The following NUMA1 variants were observed in gnomAD, a reference collection of about 807,000 sequenced individuals.
NUMA1 encodes SP-H antigen.
NUMA1 carries 62 observed loss-of-function variants against 237.1 expected under a neutral mutation model. The observed-to-expected ratio is 0.26, with a 90% CI of 0.21 to 0.32. The LOEUF is 0.32. Among genes scored for constraint, NUMA1 ranks in the 10% least tolerant of loss-of-function variants. The pLI, the probability that NUMA1 is intolerant of heterozygous loss-of-function variation, is 1.00. For synonymous variants in NUMA1, 1,028 were observed against 1,066.1 expected (o/e 0.96, Z 0.70); for missense variants, 2,533 against 2,666.5 (o/e 0.95, Z 1.10).
At chr11:72,049,559 T>TA (rs1270694880) in intron 2 of NUMA1, 3 of 6,884 alleles carry the variant, frequency 4.4e-4, no homozygotes, top group African/African-American at 1.0e-3. Context: ...AAAATAATAA[T>TA]AATATATATA....
chr11:72,031,193 TAA>T (rs1163881457), intron 3 of NUMA1, among the ~76,000 whole-genome samples: 1 of 151,576 alleles, frequency 6.6e-6, no homozygotes, highest in Non-Finnish European at 1.5e-5. Flanking sequence ...CCTACCTACA[TAA>T]GAGGCTGAGG....
In NUMA1 at chr11:72,069,874, G is replaced by C. The variant is rs1472373879; in HGVS notation, c.-65C>G. 1.3e-5 allele frequency: 2 copies of C among 152,146 alleles called. No homozygotes were observed. Among genetic ancestry groups the C allele is most frequent in the African/African-American group, 4.8e-5 (2 of 41,372 alleles). The allele number at this position is 152,146 out of a possible 1,614,324, so 9.4% of individuals were successfully genotyped here. A position where few individuals can be genotyped will look rare whatever the true frequency, so the allele number is the denominator to read the frequency against. On this transcript the variant is annotated 5_prime_UTR_variant, in exon 2 of 27. Transcript: ENST00000393695. Reference sequence around the variant, plus strand: ...TGGAAGCCTCCACACACTAGAACAGGGTGATCTCCAGCAGTCTGGCTTAGA... The same window carrying C: ...TGGAAGCCTCCACACACTAGAACAGCGTGATCTCCAGCAGTCTGGCTTAGA...
intron 2 of NUMA1, among the ~76,000 whole-genome samples, chr11:72,053,604 G>A (rs1942482863): frequency 6.6e-6 from 1 of 152,206 alleles, no homozygotes; most frequent in Non-Finnish European, 1.5e-5. Flanking sequence ...CTATAGTTCT[G>A]TAAAGCTTTA....
chr11:72,018,024 C>A (rs1184742581), intron 12 of NUMA1, 159 bp downstream of exon 12: 1 of 936,362 alleles, frequency 1.1e-6, no homozygotes, highest in African/African-American at 1.7e-5. Context: ...CGGGAAGCCG[C>A]CAATTATGGG....
chr11:72,069,808 G>C (rs642573), intron 2 of NUMA1, 34 bp downstream of exon 2: 130,049 of 152,196 alleles, frequency 0.85, 56,393 homozygotes, highest in Non-Finnish European at 0.94. Context: ...GCTGACCTAT[G>C]AAAAACTAGA....
Position 72,024,371 on chromosome 11 carries a change from AT to A in NUMA1, c.129-19del. 6.2e-7 allele frequency: 1 copy of A among 1,611,140 alleles called. No homozygotes were observed. Among genetic ancestry groups the A allele is most frequent in the Non-Finnish European group, 8.5e-7 (1 of 1,177,346 alleles). On this transcript the variant is annotated intron_variant, in intron 4 of 26. Coordinates refer to ENST00000393695, the MANE Select transcript of NUMA1 (RefSeq NM_006185.4). Reference sequence around the variant, plus strand: ...TGCCATGGCTAGAAAAAGAGCAAGTATTAGGACCAGAGTATTCAGCAATCTT... The same window carrying A: ...TGCCATGGCTAGAAAAAGAGCAAGTATAGGACCAGAGTATTCAGCAATCTT...
chr11:72,018,573 T>C (rs1938252248), intron 10 of NUMA1, 60 bp from the exon 11 acceptor site: 4 of 1,433,074 alleles, frequency 2.8e-6, no homozygotes, highest in Admixed American at 1.7e-5. Flanking sequence ...AGCGGAACTA[T>C]GTGCACAGAA....
chr11:72,059,678 T>C (rs967215258), intron 2 of NUMA1, among the ~76,000 whole-genome samples: 5 of 152,244 alleles, frequency 3.3e-5, no homozygotes, highest in African/African-American at 1.2e-4. Flanking sequence ...GTGTTTTGCA[T>C]GTCAAAGAAT....
intron 2 of NUMA1, among the ~76,000 whole-genome samples, chr11:72,049,193 T>C (rs775725674): frequency 2.0e-5 from 3 of 152,088 alleles, no homozygotes; most frequent in Admixed American, 6.6e-5. Context: ...TCTAGCACAA[T>C]GTTTGCTCAC....
At chr11:72,022,651 G>A (rs1939036177) in intron 6 of NUMA1, among the ~76,000 whole-genome samples, 1 of 150,562 alleles carries the variant, frequency 6.6e-6, no homozygotes, top group Admixed American at 6.6e-5. Flanking sequence ...TTCCTGCATG[G>A]CTCAATTCCT....
intron 2 of NUMA1, among the ~76,000 whole-genome samples, chr11:72,037,360 G>T (rs951752520): frequency 6.6e-6 from 1 of 152,164 alleles, no homozygotes; most frequent in Non-Finnish European, 1.5e-5. Flanking sequence ...AAAAAAATTA[G>T]CTGGGCATGG....
In NUMA1 at chr11:72,018,195, G is replaced by C; in HGVS notation, c.966C>G (p.Asp322Glu). 6.2e-7 allele frequency: 1 copy of C among 1,612,954 alleles called. No individual in the cohort carries two copies. The highest frequency in any genetic ancestry group is 8.5e-7 in the Non-Finnish European group (1 of 1,178,916). ...KINQLSEENG[D>E]LSFKLREFAS... Reference sequence around the variant, plus strand: ...CCTTAACACCCACCTTAAAGGAAAGGTCTCCATTCTCCTCCGAAAGCTGGT... The same window carrying C: ...CCTTAACACCCACCTTAAAGGAAAGCTCTCCATTCTCCTCCGAAAGCTGGT... Residue 322 changes from aspartate (D) to glutamate (E), a missense_variant, in exon 12 of 27, where the codon GAC (aspartate) becomes GAG (glutamate). Around this residue, in one of 3 missense-constraint regions of NUMA1, gnomAD observed 1,414 missense variants for 1,508.1 expected, o/e 0.94. Coordinates refer to ENST00000393695, the MANE Select transcript of NUMA1 (RefSeq NM_006185.4).
chr11:72,060,076 G>C (rs1942859551), intron 2 of NUMA1, among the ~76,000 whole-genome samples: 1 of 152,122 alleles, frequency 6.6e-6, no homozygotes, highest in Non-Finnish European at 1.5e-5. Flanking sequence ...CAACCAGTAA[G>C]TCCAGACATC....
rs527328482 is a variant in NUMA1, at chr11:72,059,632, C to T, written c.-33+10210G>A. Among the ~76,000 whole-genome samples, 5 of 152,276 alleles carry T rather than the reference C, an allele frequency of 3.3e-5. No homozygotes were observed. In the South Asian group the frequency reaches 1.0e-3, roughly 32 times the overall value. On this transcript the variant is annotated intron_variant, in intron 2 of 26. Transcript: ENST00000393695. ...AAGAATGTGCCACAACTTTATTTTC[C>T]CATTTTGCTACATCTGGACATTTAG...
chr11:72,022,679 G>C (rs1212544026), intron 6 of NUMA1, among the ~76,000 whole-genome samples: 1 of 151,678 alleles, frequency 6.6e-6, no homozygotes, highest in Non-Finnish European at 1.5e-5. Context: ...TGGAACCCTG[G>C]GTGTGAAGCT....
chr11:72,044,599 C>A (rs1284115671), intron 2 of NUMA1, among the ~76,000 whole-genome samples: 3 of 24,386 alleles, frequency 1.2e-4, no homozygotes, highest in Non-Finnish European at 4.1e-4. Context: ...ACAGGGGTTA[C>A]TTTGGGGGGG....
chr11:72,079,409 C>T (rs1403392321), intron 1 of NUMA1, among the ~76,000 whole-genome samples: 5 of 152,110 alleles, frequency 3.3e-5, no homozygotes, highest in Admixed American at 1.3e-4. Context: ...GGTGTGGTAG[C>T]GGGCGCCTGT....
intron 1 of NUMA1, chr11:72,072,275 G>C (rs898691967): frequency 6.5e-6 from 1 of 154,550 alleles, no homozygotes; most frequent in Non-Finnish European, 1.5e-5. Context: ...CAAGAGTTGA[G>C]GTCACATTGC....
rs745754707 is a variant in NUMA1, at chr11:72,016,400, A to G, written c.1242+8T>C. ...CAGCAGCACACAGGTCTTTCTGTGC[A>G]TTCCTACCTGCAAGACATCACCCAG... On this transcript the variant is annotated splice_region_variant and intron_variant, in intron 14 of 26. Coordinates refer to ENST00000393695, the MANE Select transcript of NUMA1 (RefSeq NM_006185.4). The G allele has an allele frequency of 6.2e-7, 1 of 1,613,514 alleles. No individual in the cohort carries two copies. Among genetic ancestry groups the G allele is most frequent in the Non-Finnish European group, 8.5e-7 (1 of 1,179,850 alleles).
Sources: gnomAD v4.1 joint callset for allele counts (sites outside exome capture counted in the v4.1 genomes callset) on GRCh38, gnomAD v4.1.1 for gene constraint, gnomAD v4.1.1 regional missense constraint, MANE v1.5 for transcripts, NCBI Gene and HGNC (gene_info 2026-07-23, HGNC 2026-07-21) for gene names.